Variants in NOD2 observed in about 807,000 individuals in gnomAD.
NOD2 encodes nucleotide-binding oligomerization domain-containing protein 2.
Under a neutral mutation model 90.9 loss-of-function variants are expected in NOD2, and 86 were observed. The observed-to-expected ratio is 0.95, with a 90% CI of 0.79 to 1.13. NOD2 has a LOEUF of 1.13. Among genes scored for constraint, NOD2 ranks in the 50% most tolerant of loss-of-function variants. NOD2 has a pLI of 0.00. For missense variants in NOD2, 1,238 were observed against 1,283.8 expected (o/e 0.96, Z 0.55); for synonymous variants, 581 against 554.6 (o/e 1.05, Z -0.67).
chr16:50,697,789 C>T, intron 1 of NOD2: 1 of 238,674 alleles, frequency 4.2e-6, no homozygotes, highest in East Asian at 1.1e-4. Flanking sequence ...AGCACAGGGC[C>T]CCCTGTGCCC....
rs1045961982 is a variant in NOD2, at chr16:50,717,038, T to C, written c.2549+64T>C. 7 of 1,454,266 alleles carry C rather than the reference T, an allele frequency of 4.8e-6. No homozygotes were observed. The African/African-American group carries it at 8.4e-5, about 17-fold the overall frequency. The allele number at this position is 1,454,266 out of a possible 1,614,324, so 90.1% of individuals were successfully genotyped here. ...TTGCCCCATTCCTGAGTCAGTCTGATCTGGTCTTGGCCTGGCACTGCCCAC... is the reference window on the plus strand; with the variant it reads ...TTGCCCCATTCCTGAGTCAGTCTGACCTGGTCTTGGCCTGGCACTGCCCAC... On this transcript the variant is annotated intron_variant, in intron 6 of 11. Transcript: ENST00000647318.
chr16:50,693,877 T>A lies in NOD2; in HGVS notation c.-9+215T>A, dbSNP rs555917180. The stretch of plus-strand genomic sequence containing the variant: ...GAGGTTGGGGAGGCCCCTGGGCCAC[T>A]CTTTTGATTTCCTTCCTCTCTGTGG... On this transcript the variant is annotated intron_variant, in intron 1 of 11. Transcript: ENST00000647318. Among the ~76,000 whole-genome samples the A allele has an allele frequency of 3.9e-5, 6 of 152,212 alleles. No homozygotes were observed. In the East Asian group the frequency reaches 9.7e-4, roughly 25 times the overall value.
At chr16:50,721,368 T>C (rs958675883) in intron 7 of NOD2, among the ~76,000 whole-genome samples, 2 of 48,482 alleles carry the variant, frequency 4.1e-5, no homozygotes, top group Non-Finnish European at 8.5e-5. Flanking sequence ...CTTGCTTGGT[T>C]TTTTTTTTTG....
At chr16:50,717,280 A>G (rs1383301607) in intron 6 of NOD2, among the ~76,000 whole-genome samples, 1 of 152,298 alleles carries the variant, frequency 6.6e-6, no homozygotes, top group East Asian at 1.9e-4. Context: ...GAGTTCCACG[A>G]TGCATGTTGA....
At chr16:50,696,469 A>G (rs1963653074) in intron 1 of NOD2, 1 of 152,366 alleles carries the variant, frequency 6.6e-6, no homozygotes, top group African/African-American at 2.4e-5. Context: ...TGAAGAGGGG[A>G]AGCCCGACCA....
At chr16:50,721,630 C>G (rs1238620076) in intron 7 of NOD2, among the ~76,000 whole-genome samples, 14 of 151,994 alleles carry the variant, frequency 9.2e-5, no homozygotes. Context: ...GTAGCTGGGA[C>G]TACAGGCACA....
rs573031664 is a variant in NOD2, at chr16:50,719,895, T to C, written c.2550-30T>C. 24 of 1,602,380 alleles carry C rather than the reference T, an allele frequency of 1.5e-5. No homozygotes were observed. In the East Asian group the frequency reaches 4.0e-4, roughly 27 times the overall value. On this transcript the variant is annotated intron_variant, in intron 6 of 11. Coordinates refer to ENST00000647318, the MANE Select transcript of NOD2 (RefSeq NM_001370466.1). Reference sequence around the variant, plus strand: ...CCTCCTTTTCTGCCTGCCGCTGTGTTCTCTCAGCCTCCTCTGTCTTCCCTT... The same window carrying C: ...CCTCCTTTTCTGCCTGCCGCTGTGTCCTCTCAGCCTCCTCTGTCTTCCCTT...
rs770924038 is a variant in NOD2, at chr16:50,723,315, A to G, written c.2732A>G (p.Asn911Ser). The G allele has an allele frequency of 1.9e-6, 3 of 1,613,924 alleles. No individual in the cohort carries two copies. The Admixed American group carries it at 5.0e-5, about 27-fold the overall frequency. The change falls in exon 9 of 12, where the codon AAC becomes AGC. Residue 911 changes from asparagine (N) to serine (S), a missense_variant. Transcript: ENST00000647318. Reference protein sequence around the residue: ...SLRWLSLVGNNIGSVGAQALA... With the variant: ...SLRWLSLVGNSIGSVGAQALA... Reference sequence around the variant, plus strand: ...ATTACCTCCAGCCTGGTGGGGAACAACATTGGCAGTGTGGGTGCCCAAGCC... The same window carrying G: ...ATTACCTCCAGCCTGGTGGGGAACAGCATTGGCAGTGTGGGTGCCCAAGCC...
At chr16:50,724,679 A>G (rs902195035) in intron 9 of NOD2, among the ~76,000 whole-genome samples, 1 of 152,174 alleles carries the variant, frequency 6.6e-6, no homozygotes, top group Non-Finnish European at 1.5e-5. Context: ...TGTTATAAGG[A>G]TATGTTGTTA....
At chr16:50,713,742 G>T (rs1370936563) in intron 4 of NOD2, among the ~76,000 whole-genome samples, 1 of 151,988 alleles carries the variant, frequency 6.6e-6, no homozygotes, top group Non-Finnish European at 1.5e-5. Context: ...TAATTAGCTG[G>T]GGGGAAGGTA....
At chr16:50,704,052 G>T (rs564426823) in intron 2 of NOD2, among the ~76,000 whole-genome samples, 1 of 152,232 alleles carries the variant, frequency 6.6e-6, no homozygotes, top group Non-Finnish European at 1.5e-5. Flanking sequence ...TCAGCTGACT[G>T]AGGCAGCGGG....
intron 4 of NOD2, 67 bp downstream of exon 4, chr16:50,712,440 C>T (rs555211263): frequency 2.1e-5 from 33 of 1,598,042 alleles, no homozygotes; most frequent in African/African-American, 9.4e-5. Flanking sequence ...GTGGGAGCAC[C>T]GAGCTGGGCT....
Position 50,723,310 on chromosome 16 carries a change from G to C in NOD2, c.2727G>C (p.Gly909=). The C allele has an allele frequency of 6.2e-7, 1 of 1,613,798 alleles. No homozygotes were observed. Among genetic ancestry groups the C allele is most frequent in the Non-Finnish European group, 8.5e-7 (1 of 1,179,844 alleles). Residue 909 remains glycine (G), a synonymous_variant, in exon 9 of 12, where the codon GGG becomes GGC. Coordinates refer to ENST00000647318, the MANE Select transcript of NOD2 (RefSeq NM_001370466.1). ...HQSLRWLSLV[G]NNIGSVGAQA... The stretch of plus-strand genomic sequence containing the variant: ...CCATGATTACCTCCAGCCTGGTGGG[G>C]AACAACATTGGCAGTGTGGGTGCCC...
chr16:50,712,209 C>T lies in NOD2; in HGVS notation c.2217C>T (p.His739=), dbSNP rs767638398. ...RKAARGLNVG[H]LKLTFCSVGP... is the part of the protein sequence containing the mutation. ...CTGCACGTGGCCTGAATGTTGGGCACCTCAAGTTGACATTTTGCAGTGTGG... is the reference window on the plus strand; with the variant it reads ...CTGCACGTGGCCTGAATGTTGGGCATCTCAAGTTGACATTTTGCAGTGTGG... The change falls in exon 4 of 12, where the codon CAC becomes CAT. Residue 739 remains histidine, a synonymous_variant. Coordinates refer to ENST00000647318, the MANE Select transcript of NOD2 (RefSeq NM_001370466.1). The T allele has an allele frequency of 6.2e-7, 1 of 1,613,944 alleles. No homozygotes were observed. The highest frequency in any genetic ancestry group is 8.5e-7 in the Non-Finnish European group (1 of 1,180,042).
chr16:50,718,790 G>A (rs1964913983), intron 6 of NOD2, among the ~76,000 whole-genome samples: 1 of 152,204 alleles, frequency 6.6e-6, no homozygotes, highest in African/African-American at 2.4e-5. Context: ...TATATAGTAA[G>A]CGAGTGGCTG....
chr16:50,698,834 G>A (rs1172321145), intron 1 of NOD2, among the ~76,000 whole-genome samples: 1 of 152,060 alleles, frequency 6.6e-6, no homozygotes, highest in African/African-American at 2.4e-5. Flanking sequence ...AACTGCTGTA[G>A]CCTGAATCCA....
At chr16:50,728,692 T>C (rs1390257760) in intron 10 of NOD2, among the ~76,000 whole-genome samples, 1 of 152,188 alleles carries the variant, frequency 6.6e-6, no homozygotes, top group Non-Finnish European at 1.5e-5. Flanking sequence ...AAGACATTCC[T>C]GAAATTGTGG....
In NOD2 at chr16:50,732,195, G is replaced by C; in HGVS notation, c.*376G>C. 2.7e-6 allele frequency: 1 copy of C among 372,506 alleles called. No homozygotes were observed. The highest frequency in any genetic ancestry group is 5.2e-6 in the Non-Finnish European group (1 of 192,988). 23.1% of individuals were successfully genotyped at this position (372,506 alleles called of 1,614,324 possible). A position where few individuals can be genotyped will look rare whatever the true frequency, so the allele number is the denominator to read the frequency against. On this transcript the variant is annotated 3_prime_UTR_variant, in exon 12 of 12. Transcript: ENST00000647318. ...GAGTGCCTTTTGGTGGAGAGGCCCG[G>C]CCTCTCACAAAAGACCCCTTACCAC... is the stretch of plus-strand genomic sequence containing the variant.
At chr16:50,717,571 G>A (rs192492726) in intron 6 of NOD2, among the ~76,000 whole-genome samples, 1 of 152,292 alleles carries the variant, frequency 6.6e-6, no homozygotes, top group East Asian at 1.9e-4. Context: ...TGTGATTTGT[G>A]AGGCAGTAAA....
Sources: allele counts gnomAD v4.1 joint callset (sites outside exome capture counted in the v4.1 genomes callset), GRCh38; gene constraint gnomAD v4.1.1; transcripts MANE v1.5; gene names NCBI Gene and HGNC (gene_info 2026-07-23, HGNC 2026-07-21).